Variants in ZFP90 observed in about 807,000 individuals in gnomAD.
ZFP90 encodes the protein ZFP90 zinc finger protein.
A neutral mutation model predicts 60.8 loss-of-function variants in ZFP90; 38 were observed. The ratio of observed to expected loss-of-function variants is 0.62; its 90% CI spans 0.48 to 0.82. The LOEUF (loss-of-function observed/expected upper bound fraction) is 0.82. Among genes scored for constraint, ZFP90 ranks in the 40% least tolerant of loss-of-function variants. The pLI is 0.00. For missense variants in ZFP90, 711 were observed against 759.1 expected (o/e 0.94, Z 0.74); for synonymous variants, 287 against 264.8 (o/e 1.08, Z -0.82).
upstream of ZFP90, among the ~76,000 whole-genome samples, chr16:68,534,374 G>C (rs868603825): frequency 1.5e-4 from 23 of 150,948 alleles, no homozygotes; most frequent in South Asian, 2.7e-3. Flanking sequence ...GACTACAGGC[G>C]CATGCCACCA....
intron 2 of ZFP90, among the ~76,000 whole-genome samples, chr16:68,542,680 A>C (rs928176508): frequency 2.6e-5 from 4 of 152,194 alleles, no homozygotes; most frequent in Admixed American, 2.6e-4. Flanking sequence ...ATGGCGGTGC[A>C]TGTTCATTAA....
At chr16:68,570,928 G>A (rs1385161577), downstream of ZFP90, among the ~76,000 whole-genome samples, 5 of 152,208 alleles carry the variant, frequency 3.3e-5, no homozygotes, top group African/African-American at 9.7e-5. Flanking sequence ...GGCCATGTAT[G>A]CAAAGCAACC....
rs927263133 is a variant in ZFP90, at chr16:68,551,480, A to T, written c.34-6518A>T. Among the ~76,000 whole-genome samples, 7 of 137,334 alleles carry T rather than the reference A, an allele frequency of 5.1e-5. No individual in the cohort carries two copies. The East Asian group carries it at 1.5e-3, about 29-fold the overall frequency. The allele number at this position is 137,334 out of a possible 152,430, so 90.1% of individuals were successfully genotyped here. A position where few individuals can be genotyped will look rare whatever the true frequency, so the allele number is the denominator to read the frequency against. On this transcript the variant is annotated intron_variant, in intron 2 of 4. Transcript: ENST00000563169. ...TCTGTTGCCCAGGCTGGAGTGCAGT[A>T]GCACAGTCTTGGCTTACTGCAAACT...
intron 2 of ZFP90, among the ~76,000 whole-genome samples, chr16:68,540,445 C>T (rs1353330001): frequency 6.6e-6 from 1 of 152,178 alleles, no homozygotes; most frequent in Non-Finnish European, 1.5e-5. Flanking sequence ...CGCCAGAAGT[C>T]CAGCCTTCAC....
intron 2 of ZFP90, among the ~76,000 whole-genome samples, chr16:68,575,123 TA>T (rs2091587415): frequency 6.6e-6 from 1 of 152,178 alleles, no homozygotes; most frequent in South Asian, 2.1e-4. Context: ...ACTTTGCCTA[TA>T]GGGGCCTCTG....
intron 2 of ZFP90, among the ~76,000 whole-genome samples, chr16:68,547,615 T>C (rs867088717): frequency 8.6e-5 from 13 of 151,946 alleles, no homozygotes; most frequent in Admixed American, 2.0e-4. Flanking sequence ...TACAATGTAT[T>C]TTAAATTTCA....
downstream of ZFP90, among the ~76,000 whole-genome samples, chr16:68,570,081 C>T (rs568607539): frequency 6.6e-6 from 1 of 151,990 alleles, no homozygotes; most frequent in East Asian, 1.9e-4. Context: ...CTATATCCCC[C>T]TCTCCCTACC....
Position 68,563,989 on chromosome 16 carries a change from G to A in ZFP90, c.1202G>A (p.Arg401Lys). ...EKPFECSICG[R>K]AFGQSPSLYK... ...CCTTTTGAATGTAGCATATGTGGGA[G>A]GGCTTTTGGTCAGAGCCCATCCCTT... The change falls in exon 5 of 5, where the codon AGG (arginine) becomes AAG (lysine). Residue 401 changes from arginine to lysine, a missense_variant. Transcript: ENST00000563169. 2 of 1,613,760 alleles carry A rather than the reference G, an allele frequency of 1.2e-6. No individual in the cohort carries two copies. Among genetic ancestry groups the A allele is most frequent in the South Asian group, 1.1e-5 (1 of 91,058 alleles).
intron 3 of ZFP90, 100 bp from the exon 4 acceptor site, chr16:68,558,373 A>G (rs1161604012): frequency 8.1e-7 from 1 of 1,238,940 alleles, no homozygotes; most frequent in Non-Finnish European, 1.2e-6. Context: ...TTTTTCCTTC[A>G]GAGTTCCTGA....
chr16:68,545,678 G>A (rs1016438024), intron 2 of ZFP90, among the ~76,000 whole-genome samples: 1 of 152,094 alleles, frequency 6.6e-6, no homozygotes, highest in African/African-American at 2.4e-5. Flanking sequence ...AGCCAGGCAT[G>A]GTGGCCGGTG....
At chr16:68,574,428 AT>A (rs2152079511) in intron 2 of ZFP90, among the ~76,000 whole-genome samples, 1 of 151,906 alleles carries the variant, frequency 6.6e-6, no homozygotes, top group South Asian at 2.1e-4. Context: ...TATACTCCCA[AT>A]AACAGTGGTC....
At chr16:68,567,302 C>G (rs962818526), downstream of ZFP90, among the ~76,000 whole-genome samples, 5 of 152,188 alleles carry the variant, frequency 3.3e-5, no homozygotes, top group African/African-American at 1.2e-4. Context: ...TCACATCTGT[C>G]ATTCAATCCT....
chr16:68,566,131 AC>A lies in ZFP90; in HGVS notation c.*1434del. 1 of 984,930 alleles carries A rather than the reference AC, an allele frequency of 1.0e-6. No individual in the cohort carries two copies. The highest frequency in any genetic ancestry group is 1.1e-4 in the East Asian group (1 of 8,904). The allele number at this position is 984,930 out of a possible 1,614,324, so 61.0% of individuals were successfully genotyped here. On this transcript the variant is annotated 3_prime_UTR_variant, in exon 5 of 5. Coordinates refer to ENST00000563169, the MANE Select transcript of ZFP90 (RefSeq NM_001305203.2). ...CTGAGCAACAGAGCAAGACACACAC[AC>A]ATCAATTTATTTTAGTTGTATAATG...
At chr16:68,546,804 G>A (rs2091158605) in intron 2 of ZFP90, among the ~76,000 whole-genome samples, 1 of 152,194 alleles carries the variant, frequency 6.6e-6, no homozygotes, top group Admixed American at 6.5e-5. Context: ...GAGCCACCAC[G>A]TCTGGCCAAA....
At chr16:68,541,762 C>CAT (rs1294316166) in intron 2 of ZFP90, among the ~76,000 whole-genome samples, 1 of 152,164 alleles carries the variant, frequency 6.6e-6, no homozygotes, top group Non-Finnish European at 1.5e-5. Flanking sequence ...AAGTATCCTC[C>CAT]ATAGGCTTGT....
At chr16:68,538,168 TC>T (rs560924597), upstream of ZFP90, among the ~76,000 whole-genome samples, 102 of 152,248 alleles carry the variant, frequency 6.7e-4, 1 homozygote, top group Middle Eastern at 6.8e-3. Context: ...AGCCTCAGCC[TC>T]CCAAAGTGCT....
At chr16:68,536,567 G>A (rs2090962110), upstream of ZFP90, among the ~76,000 whole-genome samples, 2 of 152,146 alleles carry the variant, frequency 1.3e-5, no homozygotes, top group Admixed American at 1.3e-4. Flanking sequence ...GCCTCCCAAA[G>A]TGTGGGAATT....
At chr16:68,548,165 A>G (rs1205309769) in intron 2 of ZFP90, among the ~76,000 whole-genome samples, 1 of 152,134 alleles carries the variant, frequency 6.6e-6, no homozygotes, top group African/African-American at 2.4e-5. Flanking sequence ...ACTAAGGGAA[A>G]TAGCCACCAG....
intron 2 of ZFP90, among the ~76,000 whole-genome samples, chr16:68,572,236 A>G (rs2091572691): frequency 6.6e-6 from 1 of 152,184 alleles, no homozygotes; most frequent in Admixed American, 6.5e-5. Flanking sequence ...ACACATTTTA[A>G]TGGATAAAGG....
Sources: allele counts gnomAD v4.1 joint callset (sites outside exome capture counted in the v4.1 genomes callset), GRCh38; gene constraint gnomAD v4.1.1; transcripts MANE v1.5; gene names NCBI Gene and HGNC (gene_info 2026-07-23, HGNC 2026-07-21).